HNRNPL: variants seen among roughly 807,000 people sequenced by gnomAD.
The protein encoded by HNRNPL is heterogeneous nuclear ribonucleoprotein L, also known as epididymis secretory sperm binding protein.
A neutral mutation model predicts 64.0 loss-of-function variants in HNRNPL; 12 were observed. The observed-to-expected ratio is 0.19, with a 90% confidence interval of 0.12 to 0.30. The LOEUF (loss-of-function observed/expected upper bound fraction) is 0.30. Ranked by LOEUF, HNRNPL falls within the 10% of genes least tolerant of loss-of-function variation. HNRNPL has a pLI of 1.00. For missense variants in HNRNPL, 484 were observed against 797.4 expected (o/e 0.61, Z 4.73); for synonymous variants, 385 against 313.0 (o/e 1.23, Z -2.43).
chr19:38,840,441 G>T, intron 7 of HNRNPL, 47 bp downstream of exon 7: 1 of 1,558,924 alleles, frequency 6.4e-7, no homozygotes, highest in Non-Finnish European at 8.7e-7. Context: ...GGCGGGCAGG[G>T]GCACATGAGC....
In HNRNPL at chr19:38,837,639, G is replaced by T; in HGVS notation, c.1570C>A (p.Leu524Met). The stretch of plus-strand genomic sequence containing the variant: ...ACAGAAGATGGCCGCTTCACTCCCA[G>T]CTCATCGCAGATCTGCAAAAGAAAA... Reference protein sequence around the residue: ...EENFFEICDELGVKRPSSVKV... With the variant: ...EENFFEICDEMGVKRPSSVKV... The change falls in exon 11 of 13, where the codon CTG (leucine) becomes ATG (methionine). Residue 524 changes from leucine (L) to methionine (M), a missense_variant. Coordinates refer to ENST00000221419, the MANE Select transcript of HNRNPL (RefSeq NM_001533.3). The T allele has an allele frequency of 1.9e-6, 3 of 1,614,154 alleles. No individual in the cohort carries two copies. The highest frequency in any genetic ancestry group is 2.5e-6 in the Non-Finnish European group (3 of 1,180,008).
chr19:38,843,643 G>T, intron 6 of HNRNPL, 199 bp downstream of exon 6: 1 of 592,670 alleles, frequency 1.7e-6, no homozygotes, highest in Non-Finnish European at 3.0e-6. Flanking sequence ...GCATCGGAGG[G>T]CCCCAAGCAG....
At chr19:38,840,731 G>C in intron 6 of HNRNPL, 172 bp from the exon 7 acceptor site, 1 of 630,086 alleles carries the variant, frequency 1.6e-6, no homozygotes, top group Non-Finnish European at 2.8e-6. Context: ...CATGAAGCCC[G>C]AGCCTCAAAG....
At position 38,845,862 on chromosome 19, in the gene HNRNPL, C is replaced by G. The variant is rs149903551; in HGVS notation, c.615G>C (p.Ser205=). The G allele has an allele frequency of 1.2e-6, 2 of 1,613,644 alleles. No homozygotes were observed. The highest frequency in any genetic ancestry group is 1.1e-5 in the South Asian group (1 of 91,042). ...LLFTILNPIY[S]ITTDVLYTIC... ...GCCTGCTGGCACGTACCGTGGTGAT[C>G]GAATAAATGGGGTTCAGGATGGTAA... Residue 205 remains serine, a synonymous_variant, in exon 3 of 13, where the codon TCG becomes TCC. Transcript: ENST00000221419.
intron 2 of HNRNPL, among the ~76,000 whole-genome samples, chr19:38,847,082 A>G (rs1389901797): frequency 1.3e-5 from 2 of 152,182 alleles, no homozygotes; most frequent in African/African-American, 2.4e-5. Flanking sequence ...CTGTCTGAAA[A>G]AGAGAACACT....
At chr19:38,836,961 C>T in intron 12 of HNRNPL, 181 bp from the exon 13 acceptor site, 1 of 567,490 alleles carries the variant, frequency 1.8e-6, no homozygotes, top group Non-Finnish European at 3.2e-6. Context: ...GTTTCTCCTT[C>T]TCTTCCTTCA....
At position 38,837,310 on chromosome 19, in the gene HNRNPL, G is replaced by A. The variant is rs776621392; in HGVS notation, c.1711+74C>T. ...CGGGGTCCTATCTCAAGGGCAGGAA[G>A]GACATCCCTGGCCTGAAGCCAGCCA... is the stretch of plus-strand genomic sequence containing the variant. On this transcript the variant is annotated intron_variant, in intron 12 of 12. Coordinates refer to ENST00000221419, the MANE Select transcript of HNRNPL (RefSeq NM_001533.3). 2.4e-5 allele frequency: 28 copies of A among 1,166,314 alleles called. No homozygotes were observed. The African/African-American group carries it at 3.6e-4, about 15-fold the overall frequency. The allele number at this position is 1,166,314 out of a possible 1,614,324, so 72.2% of individuals were successfully genotyped here.
intron 2 of HNRNPL, among the ~76,000 whole-genome samples, chr19:38,846,361 T>C (rs563428570): frequency 1.3e-5 from 2 of 152,176 alleles, no homozygotes; most frequent in African/African-American, 2.4e-5. Context: ...GCTTACACTA[T>C]GACAGTGCAA....
rs573514369 is a variant in HNRNPL at position 38,845,790 on chromosome 19, G to T, written c.625-55C>A. The T allele has an allele frequency of 7.5e-6, 12 of 1,596,242 alleles. No individual in the cohort carries two copies. In the East Asian group the frequency reaches 2.5e-4, roughly 33 times the overall value. ...GGGCACTGGCAGATCAGTCTGGCTT[G>T]GGGGAGGGAATAAGGGGAGAAAAGG... On this transcript the variant is annotated intron_variant, in intron 3 of 12. Transcript: ENST00000221419.
chr19:38,845,486 T>A (rs1452168099), intron 4 of HNRNPL, 164 bp downstream of exon 4: 1 of 643,284 alleles, frequency 1.6e-6, no homozygotes, highest in Non-Finnish European at 2.8e-6. Context: ...ATATGCCTGG[T>A]CCTTTAACTG....
chr19:38,844,518 C>G (rs933068056), intron 4 of HNRNPL, among the ~76,000 whole-genome samples: 3 of 152,144 alleles, frequency 2.0e-5, no homozygotes, highest in Non-Finnish European at 2.9e-5. Flanking sequence ...GCCCTAAAAG[C>G]TTCTTCCAAT....
Position 38,843,907 on chromosome 19 carries a change from C to A in HNRNPL, c.815G>T (p.Arg272Leu). The A allele has an allele frequency of 6.2e-7, 1 of 1,614,034 alleles. No homozygotes were observed. Residue 272 changes from arginine to leucine, a missense_variant, in exon 6 of 13, where the codon CGC (arginine) becomes CTC (leucine). This residue lies in a region of HNRNPL where 60 missense variants were observed against 192.2 expected (regional missense o/e 0.31). Transcript: ENST00000221419. The stretch of plus-strand genomic sequence containing the variant: ...CTGATCATTCTTGAACACATTCAAG[C>A]GTGTAGGCTGCAAGGACAGGACAAG... Reference protein sequence around the residue: ...TLKIEYAKPTRLNVFKNDQDT... With the variant: ...TLKIEYAKPTLLNVFKNDQDT...
chr19:38,843,979 A>C, intron 5 of HNRNPL, 29 bp downstream of exon 5: 1 of 1,604,970 alleles, frequency 6.2e-7, no homozygotes, highest in East Asian at 2.2e-5. Context: ...GAAGCTGACA[A>C]GGGGCAGTCA....
Position 38,849,690 on chromosome 19 carries a change from C to T in HNRNPL, c.267+10G>A. ...CCCGGCCTTCCCAGCGCCTAGGGCC[C>T]TGGCCTCACCCCACCGCCGCCGCCG... On this transcript the variant is annotated intron_variant, in intron 1 of 12. Transcript: ENST00000221419. The T allele has an allele frequency of 7.4e-7, 1 of 1,350,274 alleles. No homozygotes were observed. Among genetic ancestry groups the T allele is most frequent in the South Asian group, 1.9e-5 (1 of 52,272 alleles). 83.6% of individuals were successfully genotyped at this position (1,350,274 alleles called of 1,614,324 possible).
In HNRNPL at chr19:38,840,783, G is replaced by T. The variant is rs1972091498; in HGVS notation, c.881-224C>A. On this transcript the variant is annotated intron_variant, in intron 6 of 12. Transcript: ENST00000221419. ...TTCCCCTGCTCATACCAAAGGGCTGGCCTTGTTCTGTGAAGGACAAGGCCA... is the reference window on the plus strand; with the variant it reads ...TTCCCCTGCTCATACCAAAGGGCTGTCCTTGTTCTGTGAAGGACAAGGCCA... 3 of 557,438 alleles carry T rather than the reference G, an allele frequency of 5.4e-6. No individual in the cohort carries two copies. In the African/African-American group the frequency reaches 5.9e-5, roughly 11 times the overall value. The allele number at this position is 557,438 out of a possible 1,614,324, so 34.5% of individuals were successfully genotyped here. A position where few individuals can be genotyped will look rare whatever the true frequency, so the allele number is the denominator to read the frequency against.
intron 12 of HNRNPL, 23 bp downstream of exon 12, chr19:38,837,361 C>G: frequency 6.3e-7 from 1 of 1,592,692 alleles, no homozygotes; most frequent in Non-Finnish European, 8.6e-7. Context: ...AGGTTGATGC[C>G]TGCAGGACAC....
In HNRNPL at chr19:38,845,628, C is replaced by G. The variant is rs367880461; in HGVS notation, c.710+22G>C. The G allele has an allele frequency of 9.4e-5, 149 of 1,590,576 alleles. 1 individual carries two copies. The highest frequency in any genetic ancestry group is 1.2e-4 in the Non-Finnish European group (140 of 1,158,712). ...GCAAGAGTCCCTACCCTAAGGAACACCTGTTTTCCAGCAAAGGATATTCCA... is the reference window on the plus strand; with the variant it reads ...GCAAGAGTCCCTACCCTAAGGAACAGCTGTTTTCCAGCAAAGGATATTCCA... On this transcript the variant is annotated intron_variant, in intron 4 of 12. Transcript: ENST00000221419.
Position 38,849,766 on chromosome 19 carries a change from G to A in HNRNPL, c.201C>T (p.Gly67=). ...APKRLKTDNA[G]DQHGGGGGGG... ...CACCGCCGCCGCCTCCGTGCTGGTC[G>A]CCGGCGTTGTCAGTCTTGAGCCGCT... Residue 67 remains glycine (G), a synonymous_variant, in exon 1 of 13, where the codon GGC becomes GGT. Transcript: ENST00000221419. 3.5e-6 allele frequency: 5 copies of A among 1,417,214 alleles called. No homozygotes were observed. The highest frequency in any genetic ancestry group is 3.0e-5 in the East Asian group (1 of 33,092). The allele number at this position is 1,417,214 out of a possible 1,614,324, so 87.8% of individuals were successfully genotyped here.
chr19:38,846,180 T>C (rs1972288285), intron 2 of HNRNPL, 90 bp from the exon 3 acceptor site: 5 of 976,830 alleles, frequency 5.1e-6, no homozygotes, highest in Non-Finnish European at 8.1e-6. Flanking sequence ...GACTCCTCCA[T>C]GGCCTCTGAA....
Sources: gnomAD v4.1 joint callset for allele counts (sites outside exome capture counted in the v4.1 genomes callset) on GRCh38, gnomAD v4.1.1 for gene constraint, gnomAD v4.1.1 regional missense constraint, MANE v1.5 for transcripts, NCBI Gene and HGNC (gene_info 2026-07-23, HGNC 2026-07-21) for gene names.